The following SHISA5 variants were observed in gnomAD, a reference collection of about 807,000 sequenced individuals.
SHISA5 encodes shisa family member 5.
A neutral mutation model predicts 27.5 loss-of-function variants in SHISA5; 21 were observed. The observed-to-expected ratio is 0.76, with a 90% CI of 0.54 to 1.10. SHISA5 has a LOEUF of 1.10. Ranked by LOEUF, SHISA5 falls within the 50% of genes least tolerant of loss-of-function variation. The pLI, the probability that SHISA5 is intolerant of heterozygous loss-of-function variation, is 0.00. For synonymous variants in SHISA5, 137 were observed against 142.2 expected, an observed-to-expected ratio of 0.96 and a Z score of 0.26; for missense variants, 314 against 336.3, an observed-to-expected ratio of 0.93 and a Z score of 0.52.
intron 1 of SHISA5, chr3:48,503,277 C>A: frequency 1.2e-6 from 1 of 832,914 alleles, no homozygotes; most frequent in Non-Finnish European, 1.7e-6. Flanking sequence ...AATCAGTGAC[C>A]GACCCTCCTA....
At position 48,468,624 on chromosome 3, in the gene SHISA5, C is replaced by A. The variant is rs2040448694; in HGVS notation, c.*483G>T. On this transcript the variant is annotated 3_prime_UTR_variant, in exon 6 of 6. Transcript: ENST00000296444. ...TCCCTGGCTCTGCAACGGGTACCCC[C>A]AACTCCGGGGACGAGCCATGGCCTC... 2.4e-5 allele frequency: 29 copies of A among 1,198,092 alleles called. No individual in the cohort carries two copies. Among genetic ancestry groups the A allele is most frequent in the Admixed American group, 3.6e-5 (1 of 28,154 alleles). 74.2% of individuals were successfully genotyped at this position (1,198,092 alleles called of 1,614,324 possible). A position where few individuals can be genotyped will look rare whatever the true frequency, so the allele number is the denominator to read the frequency against.
At chr3:48,503,481 A>C (rs1304289228) in intron 1 of SHISA5, among the ~76,000 whole-genome samples, 1 of 152,074 alleles carries the variant, frequency 6.6e-6, no homozygotes. Flanking sequence ...CCTTTAAAGG[A>C]CCCGCCCCCA....
intron 3 of SHISA5, among the ~76,000 whole-genome samples, chr3:48,475,621 TAATG>T (rs760730818): frequency 6.6e-6 from 1 of 152,174 alleles, no homozygotes; most frequent in Non-Finnish European, 1.5e-5. Flanking sequence ...ACACCTCGCC[TAATG>T]GGCCTCTCTC....
intron 2 of SHISA5, among the ~76,000 whole-genome samples, chr3:48,486,994 C>G (rs1303926182): frequency 5.3e-5 from 8 of 151,758 alleles, no homozygotes; most frequent in Non-Finnish European, 1.0e-4. Context: ...GCCTATAATC[C>G]TAGCACTCTG....
chr3:48,491,233 C>T (rs1490236909), intron 2 of SHISA5, among the ~76,000 whole-genome samples: 1 of 151,984 alleles, frequency 6.6e-6, no homozygotes, highest in Non-Finnish European at 1.5e-5. Context: ...ATTCTCCTGC[C>T]TCAGCCTCCC....
chr3:48,491,264 G>A (rs1038419533), intron 2 of SHISA5, among the ~76,000 whole-genome samples: 5 of 151,886 alleles, frequency 3.3e-5, no homozygotes, highest in Admixed American at 6.6e-5. Context: ...GGCTACAAGC[G>A]CCCGTCACCA....
intron 3 of SHISA5, among the ~76,000 whole-genome samples, chr3:48,472,116 G>A (rs1463816015): frequency 6.6e-6 from 1 of 152,010 alleles, no homozygotes; most frequent in Non-Finnish European, 1.5e-5. Context: ...CAAGGAGGGA[G>A]GTTGCAGTGA....
intron 2 of SHISA5, among the ~76,000 whole-genome samples, chr3:48,479,820 T>C (rs1307499233): frequency 6.6e-6 from 1 of 152,188 alleles, no homozygotes; most frequent in East Asian, 1.9e-4. Flanking sequence ...CTCGAACTCC[T>C]GACCTCGTGA....
In SHISA5 at chr3:48,485,543, ATATATATAATATAT is replaced by A. The variant is rs1026751787; in HGVS notation, c.234-6300_234-6287del. ...TATATATATATTAAATATATATATT[ATATATATAATATAT>A]TATATATAATATATATTCTATATTT... On this transcript the variant is annotated intron_variant, in intron 2 of 5. Transcript: ENST00000296444. Among the ~76,000 whole-genome samples, 169 of 138,458 alleles carry A rather than the reference ATATATATAATATAT, an allele frequency of 1.2e-3. 1 individual carries two copies. Among genetic ancestry groups the A allele is most frequent in the Non-Finnish European group, 2.0e-3 (123 of 62,976 alleles). The allele number at this position is 138,458 out of a possible 152,430, so 90.8% of individuals were successfully genotyped here. A position where few individuals can be genotyped will look rare whatever the true frequency, so the allele number is the denominator to read the frequency against.
intron 1 of SHISA5, chr3:48,503,105 G>C: frequency 7.8e-7 from 1 of 1,289,772 alleles, no homozygotes; most frequent in Non-Finnish European, 1.0e-6. Flanking sequence ...CTGAAAGCTG[G>C]TATCATCAGC....
In SHISA5 at chr3:48,490,392, G is replaced by T. The variant is rs529730191; in HGVS notation, c.233+10745C>A. 5.9e-5 allele frequency among the ~76,000 whole-genome samples: 9 copies of T among 152,302 alleles called. No homozygotes were observed. In the South Asian group the frequency reaches 1.9e-3, roughly 32 times the overall value. On this transcript the variant is annotated intron_variant, in intron 2 of 5. Coordinates refer to ENST00000296444, the MANE Select transcript of SHISA5 (RefSeq NM_016479.6). ...CTGGCCGGCCACCTCAGTTTTGAAG[G>T]CCAGGACCACCACCCAGCAGAGCCA...
intron 2 of SHISA5, among the ~76,000 whole-genome samples, chr3:48,482,392 G>A (rs945329534): frequency 6.6e-6 from 1 of 152,172 alleles, no homozygotes; most frequent in South Asian, 2.1e-4. Flanking sequence ...GCGACAGACT[G>A]AGACCCTGTC....
intron 3 of SHISA5, among the ~76,000 whole-genome samples, chr3:48,474,429 C>T (rs1235358485): frequency 6.6e-6 from 1 of 151,818 alleles, no homozygotes; most frequent in Non-Finnish European, 1.5e-5. Context: ...TCCGCCTCCC[C>T]GGGTTCAAGT....
chr3:48,502,655 A>G (rs2041791507), intron 1 of SHISA5: 1 of 333,592 alleles, frequency 3.0e-6, no homozygotes, highest in Non-Finnish European at 6.0e-6. Flanking sequence ...CTACATTAGC[A>G]GAGACCTGTG....
chr3:48,474,991 G>A (rs2040770836), intron 3 of SHISA5, among the ~76,000 whole-genome samples: 1 of 152,114 alleles, frequency 6.6e-6, no homozygotes, highest in Non-Finnish European at 1.5e-5. Context: ...CACACACTCT[G>A]TTGTGTGTGA....
Position 48,479,191 on chromosome 3 carries a change from G to C in SHISA5, c.300C>G (p.Asn100Lys), listed in dbSNP as rs188057779. ...GCTTTACTTACCCTGACATGGGGTCGTTGTAGCCAGGGCGAAACCTCAGCG... is the reference window on the plus strand; with the variant it reads ...GCTTTACTTACCCTGACATGGGGTCCTTGTAGCCAGGGCGAAACCTCAGCG... ...GSALRFRPGY[N>K]DPMSGFGATL... The change falls in exon 3 of 6, where the codon AAC becomes AAG. Residue 100 changes from asparagine to lysine, a missense_variant. Asn to Lys is a moderately conservative substitution (Grantham distance 94). Coordinates refer to ENST00000296444, the MANE Select transcript of SHISA5 (RefSeq NM_016479.6). 1.2e-6 allele frequency: 2 copies of C among 1,609,872 alleles called. No individual in the cohort carries two copies. Among genetic ancestry groups the C allele is most frequent in the Non-Finnish European group, 1.7e-6 (2 of 1,178,728 alleles).
rs1447396106 is a variant in SHISA5 at position 48,469,024 on chromosome 3, TG to T, written c.*82del. On this transcript the variant is annotated 3_prime_UTR_variant, in exon 6 of 6. Transcript: ENST00000296444. The surrounding 1 kb of genome is among the most constrained non-coding windows in gnomAD (Gnocchi z 4.6). ...CGTGCCTGGACACACACAGCACACA[TG>T]GGGCGTAAGGAACCGCGCCTGCACA... 4 of 1,600,264 alleles carry T rather than the reference TG, an allele frequency of 2.5e-6. No individual in the cohort carries two copies. The highest frequency in any genetic ancestry group is 3.4e-6 in the Non-Finnish European group (4 of 1,175,848).
Position 48,469,705 on chromosome 3 carries a change from T to C in SHISA5, c.430+23A>G. 2.5e-6 allele frequency: 4 copies of C among 1,613,226 alleles called. No individual in the cohort carries two copies. Among genetic ancestry groups the C allele is most frequent in the Non-Finnish European group, 3.4e-6 (4 of 1,179,578 alleles). ...CCCTTACCACCCCAGGGGGTCACAG[T>C]GGGGCAGGGTGGGCACGCTTACGAC... On this transcript the variant is annotated intron_variant, in intron 4 of 5. Coordinates refer to ENST00000296444, the MANE Select transcript of SHISA5 (RefSeq NM_016479.6). This position sits in a 1 kb window ranked among gnomAD's most constrained non-coding sequence, Gnocchi z 4.6.
At position 48,469,454 on chromosome 3, in the gene SHISA5, G is replaced by A; in HGVS notation, c.550C>T (p.Pro184Ser). 1.2e-6 allele frequency: 2 copies of A among 1,613,854 alleles called. No homozygotes were observed. The highest frequency in any genetic ancestry group is 1.7e-6 in the Non-Finnish European group (2 of 1,179,890). ...YQGYHTMPPQ[P>S]GMPAAPYPMQ... ...GGGTAGGGTGCTGCTGGCATCCCTG[G>A]CTGAGGCGGCATGGTGTGGTAGCCC... Residue 184 changes from proline to serine, a missense_variant, in exon 5 of 6, where the codon CCA becomes TCA. Coordinates refer to ENST00000296444, the MANE Select transcript of SHISA5 (RefSeq NM_016479.6). The surrounding 1 kb of genome is among the most constrained non-coding windows in gnomAD (Gnocchi z 4.6).
Sources: allele counts gnomAD v4.1 joint callset (sites outside exome capture counted in the v4.1 genomes callset), GRCh38; gene constraint gnomAD v4.1.1; non-coding constraint Gnocchi (gnomAD v3.1); transcripts MANE v1.5; gene names NCBI Gene and HGNC (gene_info 2026-07-23, HGNC 2026-07-21).